KIAA1671: variants seen among roughly 807,000 people sequenced by gnomAD.
KIAA1671 encodes KIAA1671.
Under a neutral mutation model 131.2 loss-of-function variants are expected in KIAA1671, and 52 were observed. That is an observed-to-expected ratio of 0.40 (90% CI 0.32 to 0.50). The LOEUF (loss-of-function observed/expected upper bound fraction) is 0.50, where lower values mean the gene tolerates loss of function less well. KIAA1671 is among the 20% of genes least tolerant of loss of function. KIAA1671 has a pLI of 0.73. For synonymous variants in KIAA1671, 1,003 were observed against 961.6 expected, an observed-to-expected ratio of 1.04 and a Z score of -0.80; for missense variants, 2,360 against 2,364.2, an observed-to-expected ratio of 1.00 and a Z score of 0.04.
intron 6 of KIAA1671, among the ~76,000 whole-genome samples, chr22:25,087,297 T>G (rs1397432590): frequency 6.6e-6 from 1 of 152,112 alleles, no homozygotes; most frequent in Non-Finnish European, 1.5e-5. Context: ...TAAAAAACTG[T>G]GTTCCTGCTG....
chr22:25,155,338 C>A (rs1933192284), intron 6 of KIAA1671, among the ~76,000 whole-genome samples: 1 of 151,966 alleles, frequency 6.6e-6, no homozygotes, highest in Non-Finnish European at 1.5e-5. Flanking sequence ...CTGCTGGGAC[C>A]ATTCATTTGT....
chr22:25,086,986 T>C (rs964900476), intron 6 of KIAA1671, among the ~76,000 whole-genome samples: 1 of 152,146 alleles, frequency 6.6e-6, no homozygotes, highest in Non-Finnish European at 1.5e-5. Context: ...AGCTGAGCAG[T>C]AGGCATGGAG....
chr22:25,019,801 G>GT (rs1156984404), intron 1 of KIAA1671, among the ~76,000 whole-genome samples: 1 of 152,016 alleles, frequency 6.6e-6, no homozygotes, highest in African/African-American at 2.4e-5. Context: ...CCCTATTATA[G>GT]TTAAGGCAAC....
intron 6 of KIAA1671, among the ~76,000 whole-genome samples, chr22:25,071,363 C>T (rs1928807672): frequency 6.6e-6 from 1 of 152,178 alleles, no homozygotes; most frequent in Non-Finnish European, 1.5e-5. Flanking sequence ...GAAACATTGC[C>T]TTTTAGCCGC....
rs1275669529 is a variant in KIAA1671 at position 25,041,083 on chromosome 22, C to T, written c.3953C>T (p.Pro1318Leu). The change falls in exon 5 of 13, where the codon CCC becomes CTC. Residue 1318 changes from proline to leucine, a missense_variant. Pro to Leu is a moderately conservative substitution (Grantham distance 98). This residue lies in a region of KIAA1671 where 1,161 missense variants were observed against 1,204.7 expected (regional missense o/e 0.96). Transcript: ENST00000358431. ...YPGGSPIPAD[P>L]RKKTGFAEDD... ...GGGGGCTCTCCTATACCTGCGGATC[C>T]CAGGAAAAAAACGGGGTTTGCTGAG... The T allele has an allele frequency of 2.6e-6, 4 of 1,540,048 alleles. No homozygotes were observed. In the East Asian group the frequency reaches 7.4e-5, roughly 28 times the overall value.
At chr22:24,991,559 C>T (rs976326101) in intron 1 of KIAA1671, among the ~76,000 whole-genome samples, 1 of 150,734 alleles carries the variant, frequency 6.6e-6, no homozygotes, top group Non-Finnish European at 1.5e-5. Flanking sequence ...GGGGTTCAAG[C>T]GATTCTCCTG....
At position 24,973,735 on chromosome 22, in the gene KIAA1671, A is replaced by T. The variant is rs1299211768; in HGVS notation, c.-208+20963A>T. Among the ~76,000 whole-genome samples, 3 of 152,260 alleles carry T rather than the reference A, an allele frequency of 2.0e-5. No individual in the cohort carries two copies. In the East Asian group the frequency reaches 5.8e-4, roughly 29 times the overall value. ...TTTATATATTTGTTTATCTAATAAT[A>T]TCTGTCTCTACTATGGAAATATGAA... On this transcript the variant is annotated intron_variant, in intron 1 of 12. Coordinates refer to ENST00000358431, the MANE Select transcript of KIAA1671 (RefSeq NM_001145206.2).
chr22:25,027,719 C>T (rs1242711884), intron 2 of KIAA1671, among the ~76,000 whole-genome samples: 1 of 152,138 alleles, frequency 6.6e-6, no homozygotes, highest in Non-Finnish European at 1.5e-5. Context: ...TTTTCTACAC[C>T]CTTGGAGCTG....
At chr22:25,163,439 ATTTT>A (rs132896) in intron 6 of KIAA1671, among the ~76,000 whole-genome samples, 35 of 66,432 alleles carry the variant, frequency 5.3e-4, no homozygotes, top group African/African-American at 1.7e-3. Flanking sequence ...CCTTGGCTGT[ATTTT>A]TTTTTTTTTT....
At chr22:24,987,654 A>G (rs1923623840) in intron 1 of KIAA1671, among the ~76,000 whole-genome samples, 1 of 152,086 alleles carries the variant, frequency 6.6e-6, no homozygotes, top group African/African-American at 2.4e-5. Context: ...TATTTTTTGT[A>G]GAGGTGGGGT....
intron 6 of KIAA1671, among the ~76,000 whole-genome samples, chr22:25,123,532 C>G (rs1287013090): frequency 1.3e-5 from 2 of 152,280 alleles, no homozygotes; most frequent in Non-Finnish European, 2.9e-5. Flanking sequence ...CCCTCTTGAT[C>G]ACTCCCTTTC....
intron 5 of KIAA1671, among the ~76,000 whole-genome samples, chr22:25,047,673 A>G (rs1927323929): frequency 6.6e-6 from 1 of 151,316 alleles, no homozygotes; most frequent in Non-Finnish European, 1.5e-5. Context: ...GGGTTTCACC[A>G]TGTTGGCGAG....
intron 6 of KIAA1671, among the ~76,000 whole-genome samples, chr22:25,069,474 A>G (rs1928689832): frequency 6.6e-6 from 1 of 152,078 alleles, no homozygotes; most frequent in African/African-American, 2.4e-5. Context: ...CAGGGAGCTG[A>G]TCCCTCCCTT....
intron 6 of KIAA1671, chr22:25,053,695 G>C (rs1385700510): frequency 6.6e-6 from 1 of 152,332 alleles, no homozygotes; most frequent in Non-Finnish European, 1.5e-5. Context: ...GGAGGGTCCA[G>C]TTAGGTGCAG....
intron 12 of KIAA1671, among the ~76,000 whole-genome samples, chr22:25,191,367 G>A (rs1002131063): frequency 6.6e-6 from 1 of 152,024 alleles, no homozygotes; most frequent in South Asian, 2.1e-4. Flanking sequence ...TGTTGGACAG[G>A]CTGGTCTCGA....
chr22:25,184,774 G>C (rs755332446), intron 10 of KIAA1671, among the ~76,000 whole-genome samples: 1 of 152,050 alleles, frequency 6.6e-6, no homozygotes, highest in Non-Finnish European at 1.5e-5. Context: ...GTGGTGATTC[G>C]ATCTTGGGGG....
At chr22:25,083,311 T>C (rs1245907984) in intron 6 of KIAA1671, among the ~76,000 whole-genome samples, 2 of 152,224 alleles carry the variant, frequency 1.3e-5, no homozygotes, top group Non-Finnish European at 2.9e-5. Flanking sequence ...AACAGTCAGA[T>C]TGGATTAGAG....
chr22:25,011,634 C>CTTTTTTTTTTTTTTTT (rs35127110), intron 1 of KIAA1671: 1 of 87,758 alleles, frequency 1.1e-5, no homozygotes, highest in African/African-American at 3.9e-5. Context: ...CTTTTCTTTT[C>CTTTTTTTTTTTTTTTT]TTTTTTTTTT....
chr22:24,992,877 A>ATC (rs1923923116), intron 1 of KIAA1671, among the ~76,000 whole-genome samples: 1 of 150,614 alleles, frequency 6.6e-6, no homozygotes, highest in Non-Finnish European at 1.5e-5. Context: ...TTCTTAGCAA[A>ATC]TCTCTCAGCT....
Sources: gnomAD v4.1 joint callset for allele counts (sites outside exome capture counted in the v4.1 genomes callset) on GRCh38, gnomAD v4.1.1 for gene constraint, gnomAD v4.1.1 regional missense constraint, MANE v1.5 for transcripts, NCBI Gene and HGNC (gene_info 2026-07-23, HGNC 2026-07-21) for gene names.